Variants in MYO18A observed in about 807,000 individuals in gnomAD.
The protein encoded by MYO18A is unconventional myosin-XVIIIa.
In MYO18A, 78 loss-of-function variants were observed where a neutral mutation model predicts 235.8. The ratio of observed to expected loss-of-function variants is 0.33; its 90% CI spans 0.28 to 0.40. MYO18A has a LOEUF of 0.40. Ranked by LOEUF, MYO18A falls within the 10% of genes least tolerant of loss-of-function variation. The pLI, the probability that MYO18A is intolerant of heterozygous loss-of-function variation, is 1.00. For missense variants in MYO18A, 2,215 were observed against 2,699.3 expected (o/e 0.82, Z 3.98); for synonymous variants, 977 against 1,077.8 (o/e 0.91, Z 1.83).
At chr17:29,083,696 G>T (rs185665323) in intron 40 of MYO18A, among the ~76,000 whole-genome samples, 1 of 152,248 alleles carries the variant, frequency 6.6e-6, no homozygotes, top group East Asian at 1.9e-4. Context: ...GGGTAAACAG[G>T]AGTTTAGCAG....
At chr17:29,145,674 CTGAG>C (rs2067832493) in intron 2 of MYO18A, among the ~76,000 whole-genome samples, 1 of 152,110 alleles carries the variant, frequency 6.6e-6, no homozygotes, top group South Asian at 2.1e-4. Context: ...GTTTGAGTGA[CTGAG>C]TGAAAGAAGA....
intron 2 of MYO18A, among the ~76,000 whole-genome samples, chr17:29,157,907 C>T (rs2068093589): frequency 6.6e-6 from 1 of 152,192 alleles, no homozygotes; most frequent in African/African-American, 2.4e-5. Flanking sequence ...GATCCTCCCA[C>T]CTCAGCCATC....
At chr17:29,123,803 CT>C (rs1239260722) in intron 2 of MYO18A, among the ~76,000 whole-genome samples, 1 of 152,212 alleles carries the variant, frequency 6.6e-6, no homozygotes, top group Non-Finnish European at 1.5e-5. Context: ...AATCACAGCA[CT>C]TTGGGAGGCT....
At chr17:29,160,195 T>C (rs1436680642) in intron 2 of MYO18A, among the ~76,000 whole-genome samples, 1 of 152,208 alleles carries the variant, frequency 6.6e-6, no homozygotes, top group Non-Finnish European at 1.5e-5. Context: ...TTACCTTATA[T>C]AAAGACCCAC....
chr17:29,116,171 C>T (rs139152515), intron 11 of MYO18A, among the ~76,000 whole-genome samples: 4 of 152,332 alleles, frequency 2.6e-5, no homozygotes, highest in African/African-American at 9.6e-5. Context: ...GATGAACCAG[C>T]CCACCTGGGA....
chr17:29,122,948 G>A (rs73988918), intron 2 of MYO18A, among the ~76,000 whole-genome samples: 5,371 of 152,330 alleles, frequency 0.035, 224 homozygotes, highest in African/African-American at 0.098. Flanking sequence ...TAGTGGACAC[G>A]CTAATGCCAT....
chr17:29,082,502 G>A lies in MYO18A; in HGVS notation c.5898-64C>T, dbSNP rs74330798. ...GCACCTGCTGCCCACGAGGGGAGCA[G>A]ATGGGGGTGCAGGGGGTGTCTTGGG... On this transcript the variant is annotated intron_variant, in intron 40 of 41. Transcript: ENST00000527372. 3.9e-3 allele frequency: 6,043 copies of A among 1,555,540 alleles called. 195 individuals are homozygous for A. In the African/African-American group the frequency reaches 0.072, roughly 18 times the overall value.
Position 29,122,041 on chromosome 17 carries a change from C to G in MYO18A, c.1088-84G>C, listed in dbSNP as rs877492. 77 of 1,513,034 alleles carry G rather than the reference C, an allele frequency of 5.1e-5. 1 individual carries two copies. Among genetic ancestry groups the G allele is most frequent in the South Asian group, 1.9e-4 (17 of 88,392 alleles). The allele number at this position is 1,513,034 out of a possible 1,614,324, so 93.7% of individuals were successfully genotyped here. The stretch of plus-strand genomic sequence containing the variant: ...GGAACTTCTCGGTCCTATCCTCCCC[C>G]CCACTGCATCACCAGCCTCTCCTTG... On this transcript the variant is annotated intron_variant, in intron 3 of 41. Coordinates refer to ENST00000527372, the MANE Select transcript of MYO18A (RefSeq NM_078471.4).
intron 41 of MYO18A, among the ~76,000 whole-genome samples, chr17:29,079,224 T>C (rs143979907): frequency 9.2e-5 from 14 of 152,260 alleles, no homozygotes; most frequent in African/African-American, 3.1e-4. Flanking sequence ...GCACACACAG[T>C]AAACATGTTG....
chr17:29,161,398 G>A (rs1483915071), intron 2 of MYO18A, among the ~76,000 whole-genome samples: 3 of 150,008 alleles, frequency 2.0e-5, no homozygotes, highest in Non-Finnish European at 4.4e-5. Flanking sequence ...GTGGTGGTGT[G>A]TGCCTGTGGT....
intron 2 of MYO18A, among the ~76,000 whole-genome samples, chr17:29,156,190 G>A (rs931535366): frequency 4.6e-5 from 7 of 152,218 alleles, no homozygotes; most frequent in African/African-American, 1.7e-4. Context: ...AGTTCAGGGA[G>A]AGCAGCGGAA....
At chr17:29,082,557 G>T (rs1162206281) in intron 40 of MYO18A, 119 bp from the exon 41 acceptor site, 1 of 1,038,352 alleles carries the variant, frequency 9.6e-7, no homozygotes, top group Non-Finnish European at 1.4e-6. Context: ...ATGCACGTCG[G>T]TGAGTCGGGA....
In MYO18A at chr17:29,171,257, GA is replaced by G. The variant is rs377652900; in HGVS notation, c.-81-4237del. On this transcript the variant is annotated intron_variant, in intron 1 of 41. Coordinates refer to ENST00000527372, the MANE Select transcript of MYO18A (RefSeq NM_078471.4). ...GAGGCCAAGAGATCGAGACCATCCT[GA>G]AACCCCGTCTCTAATAAAAATAAAA... is the stretch of plus-strand genomic sequence containing the variant. 1.3e-3 allele frequency among the ~76,000 whole-genome samples: 193 copies of G among 152,152 alleles called. 1 individual carries two copies. The highest frequency in any genetic ancestry group is 4.4e-3 in the African/African-American group (183 of 41,518).
rs1243731842 is a variant in MYO18A, at chr17:29,121,710, G to A, written c.1208C>T (p.Ser403Phe). ...EDDVEKANAP[S>F]CDRLEDLASL... ...GGCCAGATCCTCCAGACGGTCGCAG[G>A]AGGGAGCATTAGCCTGTGTGGGAGG... The change falls in exon 5 of 42, where the codon TCC becomes TTC. Residue 403 changes from serine to phenylalanine, a missense_variant. By Grantham distance (155) the Ser-to-Phe change is radical. Transcript: ENST00000527372. The surrounding 1 kb of genome is among the most constrained non-coding windows in gnomAD (Gnocchi z 4.2). 1.9e-6 allele frequency: 3 copies of A among 1,569,970 alleles called. No homozygotes were observed. Among genetic ancestry groups the A allele is most frequent in the African/African-American group, 1.4e-5 (1 of 73,770 alleles).
chr17:29,094,601 T>C (rs1331010204), intron 30 of MYO18A, 49 bp downstream of exon 30: 3 of 1,592,406 alleles, frequency 1.9e-6, no homozygotes, highest in Non-Finnish European at 2.6e-6. Flanking sequence ...GTGGGGATGG[T>C]GGCGGCCTCG....
Position 29,090,015 on chromosome 17 carries a change from T to C in MYO18A, c.5472A>G (p.Ile1824Met). ...ACTCCAGGCGTGTCTCCAGCTCCCG[T>C]ATCTTAGCTTCCTGCCTGCTCACCA... ...KSLVSRQEAKIRELETRLEFE... is the reference protein window; with the variant it reads ...KSLVSRQEAKMRELETRLEFE... The change falls in exon 37 of 42, where the codon ATA becomes ATG. Residue 1824 changes from isoleucine (I) to methionine (M), a missense_variant. Physicochemically the swap from Ile to Met is conservative, Grantham distance 10 (BLOSUM62 1). Transcript: ENST00000527372. The C allele has an allele frequency of 6.2e-7, 1 of 1,614,076 alleles. No homozygotes were observed. Among genetic ancestry groups the C allele is most frequent in the Non-Finnish European group, 8.5e-7 (1 of 1,179,902 alleles).
chr17:29,118,239 T>C lies in MYO18A; in HGVS notation c.1894-50A>G, dbSNP rs772943462. On this transcript the variant is annotated intron_variant, in intron 9 of 41. Coordinates refer to ENST00000527372, the MANE Select transcript of MYO18A (RefSeq NM_078471.4). The surrounding 1 kb of genome is among the most constrained non-coding windows in gnomAD (Gnocchi z 4.2). The stretch of plus-strand genomic sequence containing the variant: ...GGCTGTCCCTCCCAGCACACCCCCA[T>C]GAGGCTGGGCCCTCAGGGCAAGGCT... 3 of 1,575,834 alleles carry C rather than the reference T, an allele frequency of 1.9e-6. No individual in the cohort carries two copies. Among genetic ancestry groups the C allele is most frequent in the African/African-American group, 2.7e-5 (2 of 73,996 alleles).
At position 29,106,939 on chromosome 17, in the gene MYO18A, A is replaced by G. The variant is rs1473699104; in HGVS notation, c.3441+141T>C. The stretch of plus-strand genomic sequence containing the variant: ...GCTCCTATGGTCTGGGCCCCAGGAC[A>G]CAGCTGGGTGCTTCCAAAACTGGGA... On this transcript the variant is annotated intron_variant, in intron 20 of 41. Coordinates refer to ENST00000527372, the MANE Select transcript of MYO18A (RefSeq NM_078471.4). The surrounding 1 kb of genome is among the most constrained non-coding windows in gnomAD (Gnocchi z 4.6). The G allele has an allele frequency of 1.3e-6, 1 of 779,058 alleles. No individual in the cohort carries two copies. Among genetic ancestry groups the G allele is most frequent in the East Asian group, 2.7e-5 (1 of 36,816 alleles). The allele number at this position is 779,058 out of a possible 1,614,324, so 48.3% of individuals were successfully genotyped here. A position where few individuals can be genotyped will look rare whatever the true frequency, so the allele number is the denominator to read the frequency against.
At position 29,089,988 on chromosome 17, in the gene MYO18A, A is replaced by G; in HGVS notation, c.5499T>C (p.Phe1833=). 3 of 1,614,058 alleles carry G rather than the reference A, an allele frequency of 1.9e-6. No homozygotes were observed. The highest frequency in any genetic ancestry group is 2.5e-6 in the Non-Finnish European group (3 of 1,179,898). The change falls in exon 37 of 42, where the codon TTT becomes TTC. Residue 1833 remains phenylalanine, a synonymous_variant. Transcript: ENST00000527372. ...KIRELETRLE[F]ERTQVKRLES... ...CCAGCCGTTTCACTTGCGTCCTTTC[A>G]AACTCCAGGCGTGTCTCCAGCTCCC...
Sources: gnomAD v4.1 joint callset for allele counts (sites outside exome capture counted in the v4.1 genomes callset) on GRCh38, gnomAD v4.1.1 for gene constraint, Gnocchi (gnomAD v3.1) non-coding constraint, MANE v1.5 for transcripts, NCBI Gene and HGNC (gene_info 2026-07-23, HGNC 2026-07-21) for gene names.